The following IRAK1BP1 variants were observed in gnomAD, a reference collection of about 807,000 sequenced individuals.
The protein encoded by IRAK1BP1 is interleukin 1 receptor associated kinase 1 binding protein 1.
In IRAK1BP1, 24 loss-of-function variants were observed where a neutral mutation model predicts 28.0. The ratio of observed to expected loss-of-function variants is 0.86; its 90% CI spans 0.62 to 1.20. IRAK1BP1 has a LOEUF of 1.20. IRAK1BP1 is among the 50% of genes most tolerant of loss of function. IRAK1BP1 has a pLI of 0.00. For missense variants in IRAK1BP1, 336 were observed against 316.7 expected (o/e 1.06, Z -0.46); for synonymous variants, 131 against 116.3 (o/e 1.13, Z -0.81).
At chr6:78,931,886 T>C (rs1182046866) in intron 4 of IRAK1BP1, among the ~76,000 whole-genome samples, 1 of 152,210 alleles carries the variant, frequency 6.6e-6, no homozygotes, top group Non-Finnish European at 1.5e-5. Context: ...AAGATTTCTT[T>C]GTAGCATGCA....
the IRAK1BP1 span, chr6:78,969,893 T>G: frequency 4.7e-5 from 75 of 1,601,502 alleles, no homozygotes; most frequent in African/African-American, 8.4e-4. Context: ...CTAGGAAATC[T>G]ATAACGTCAG....
the IRAK1BP1 span, among the ~76,000 whole-genome samples, chr6:78,952,165 A>T: frequency 6.6e-6 from 1 of 152,120 alleles, no homozygotes; most frequent in Non-Finnish European, 1.5e-5. Context: ...TATGCCTGTA[A>T]TCCCAGCACT....
rs530136183 is a variant in IRAK1BP1 at position 78,914,340 on chromosome 6, G to T, written c.*67+11230G>T. On this transcript the variant is annotated intron_variant and NMD_transcript_variant, in intron 4 of 4. Coordinates refer to the IRAK1BP1 transcript ENST00000606868. ...GAAGATAAGCCATTATCTGAGTTTTGGTATCATAATATTCAGCACATTAAA... is the reference window on the plus strand; with the variant it reads ...GAAGATAAGCCATTATCTGAGTTTTTGTATCATAATATTCAGCACATTAAA... Among the ~76,000 whole-genome samples, 7 of 152,092 alleles carry T rather than the reference G, an allele frequency of 4.6e-5. No individual in the cohort carries two copies. The East Asian group carries it at 1.3e-3, about 29-fold the overall frequency.
chr6:78,948,004 G>A (rs1320242038), downstream of IRAK1BP1, among the ~76,000 whole-genome samples: 1 of 151,720 alleles, frequency 6.6e-6, no homozygotes, highest in African/African-American at 2.4e-5. Flanking sequence ...GAACACAGAA[G>A]TTATTAATTT....
At chr6:78,876,559 T>A (rs1175124878) in intron 1 of IRAK1BP1, among the ~76,000 whole-genome samples, 1 of 152,246 alleles carries the variant, frequency 6.6e-6, no homozygotes, top group Non-Finnish European at 1.5e-5. Flanking sequence ...GCTTTCTCAA[T>A]CTTGGCAGTA....
chr6:78,897,472 A>C (rs1771931159), intron 2 of IRAK1BP1, among the ~76,000 whole-genome samples: 1 of 152,170 alleles, frequency 6.6e-6, no homozygotes, highest in Non-Finnish European at 1.5e-5. Flanking sequence ...CATGATTACT[A>C]CTAATCAGGA....
At chr6:78,913,334 CA>C (rs149003513) in intron 4 of IRAK1BP1, among the ~76,000 whole-genome samples, 188 of 140,072 alleles carry the variant, frequency 1.3e-3, no homozygotes, top group African/African-American at 1.6e-3. Context: ...GACTCTGTTT[CA>C]AAAAAAAAAA....
the IRAK1BP1 span, among the ~76,000 whole-genome samples, chr6:78,954,396 G>A: frequency 4.6e-5 from 7 of 152,076 alleles, no homozygotes; most frequent in African/African-American, 7.2e-5. Flanking sequence ...ATGAGCCACC[G>A]TGCCCAGCCT....
At chr6:78,932,273 T>A (rs1202973700) in intron 4 of IRAK1BP1, among the ~76,000 whole-genome samples, 1 of 152,168 alleles carries the variant, frequency 6.6e-6, no homozygotes, top group East Asian at 1.9e-4. Flanking sequence ...TTAAAGTTGA[T>A]ATTTTGATCT....
At chr6:78,951,776 C>T in the IRAK1BP1 span, among the ~76,000 whole-genome samples, 2 of 152,144 alleles carry the variant, frequency 1.3e-5, no homozygotes, top group African/African-American at 4.8e-5. Context: ...GAACTACTTT[C>T]TTTATATAAA....
At chr6:78,911,066 T>TGTCCTCTGCAGCCTCCGC (rs1428326210) in intron 4 of IRAK1BP1, among the ~76,000 whole-genome samples, 10 of 152,316 alleles carry the variant, frequency 6.6e-5, no homozygotes, top group African/African-American at 2.4e-4. Context: ...ATGGCCTTCG[T>TGTCCTCTGCAGCCTCCGC]GTCCTCTGCA....
chr6:78,875,279 G>A (rs1442138743), intron 1 of IRAK1BP1, among the ~76,000 whole-genome samples: 1 of 152,168 alleles, frequency 6.6e-6, no homozygotes, highest in Non-Finnish European at 1.5e-5. Context: ...TATACTCTTG[G>A]TGGAAATGTA....
chr6:78,954,146 G>A, the IRAK1BP1 span, among the ~76,000 whole-genome samples: 6 of 152,144 alleles, frequency 3.9e-5, no homozygotes, highest in African/African-American at 1.4e-4. Context: ...CTGTCGCCCA[G>A]GCTGGAGTAC....
chr6:78,879,947 A>G (rs1771163521), intron 1 of IRAK1BP1, among the ~76,000 whole-genome samples: 1 of 152,232 alleles, frequency 6.6e-6, no homozygotes, highest in Non-Finnish European at 1.5e-5. Flanking sequence ...TGAGTCTGAA[A>G]TGGGGAAGGT....
chr6:78,922,511 C>G (rs1772764796), intron 4 of IRAK1BP1, among the ~76,000 whole-genome samples: 2 of 152,142 alleles, frequency 1.3e-5, no homozygotes, highest in African/African-American at 4.8e-5. Context: ...AGGATATTAT[C>G]CAGGAGAACT....
At chr6:78,977,338 G>T in the IRAK1BP1 span, among the ~76,000 whole-genome samples, 3 of 151,510 alleles carry the variant, frequency 2.0e-5, no homozygotes, top group East Asian at 5.9e-4. Flanking sequence ...AGATCACATG[G>T]ACACAGGAAG....
intron 4 of IRAK1BP1, among the ~76,000 whole-genome samples, chr6:78,925,272 TAACA>T (rs1324187162): frequency 1.3e-5 from 2 of 151,972 alleles, no homozygotes; most frequent in Non-Finnish European, 2.9e-5. Context: ...TATACATATG[TAACA>T]AACCTGCACA....
the IRAK1BP1 span, chr6:78,957,939 T>C: frequency 6.6e-6 from 1 of 152,066 alleles, no homozygotes; most frequent in Non-Finnish European, 1.5e-5. Flanking sequence ...TGCTGGACTA[T>C]TTAAATACTT....
intron 2 of IRAK1BP1, among the ~76,000 whole-genome samples, chr6:78,893,288 ATATATG>A (rs1771733776): frequency 1.6e-5 from 1 of 61,686 alleles, no homozygotes; most frequent in African/African-American, 4.1e-5. Flanking sequence ...ATATGTGTGT[ATATATG>A]TGTGTGTGTG....
Sources: allele counts gnomAD v4.1 joint callset (sites outside exome capture counted in the v4.1 genomes callset), GRCh38; gene constraint gnomAD v4.1.1; transcripts MANE v1.5; gene names NCBI Gene and HGNC (gene_info 2026-07-23, HGNC 2026-07-21).